The following FILIP1L variants were observed in gnomAD, a reference collection of about 807,000 sequenced individuals.
FILIP1L encodes filamin A-interacting protein 1-like.
FILIP1L carries 55 observed loss-of-function variants against 96.6 expected under a neutral mutation model. The ratio of observed to expected loss-of-function variants is 0.57; its 90% CI spans 0.46 to 0.71. The LOEUF is 0.71. FILIP1L is among the 30% of genes least tolerant of loss of function. The probability of loss-of-function intolerance (pLI) is 0.00; values close to 1 mark genes in which losing one functional copy is unlikely to be tolerated. For missense variants in FILIP1L, 1,304 were observed against 1,321.2 expected, an observed-to-expected ratio of 0.99 and a Z score of 0.20; for synonymous variants, 467 against 473.9, an observed-to-expected ratio of 0.99 and a Z score of 0.19.
At position 99,907,787 on chromosome 3, in the gene FILIP1L, G is replaced by A. The variant is rs138623752; in HGVS notation, c.605+16443C>T. 6.8e-3 allele frequency among the ~76,000 whole-genome samples: 1,029 copies of A among 152,040 alleles called. 3 individuals carry two copies. The highest frequency in any genetic ancestry group is 8.5e-3 in the African/African-American group (354 of 41,466). ...CTATGTCTGTCTTTTAATGTGCAAC[G>A]CTAATGCTATCTGGATCCATTAGGA... On this transcript the variant is annotated intron_variant, in intron 4 of 5. Transcript: ENST00000477258.
At chr3:100,041,596 TA>T (rs1405874820) in intron 1 of FILIP1L, among the ~76,000 whole-genome samples, 1 of 150,596 alleles carries the variant, frequency 6.6e-6, no homozygotes, top group Non-Finnish European at 1.5e-5. Flanking sequence ...ACAAAAAAAA[TA>T]AAAATAAAAA....
At chr3:99,980,342 G>A (rs1002784179) in intron 1 of FILIP1L, among the ~76,000 whole-genome samples, 4 of 152,104 alleles carry the variant, frequency 2.6e-5, no homozygotes, top group Admixed American at 2.6e-4. Context: ...CTGAAGTCTT[G>A]CATTGGATGT....
chr3:99,972,262 G>T (rs896288642), intron 1 of FILIP1L, among the ~76,000 whole-genome samples: 1 of 152,130 alleles, frequency 6.6e-6, no homozygotes, highest in Admixed American at 6.5e-5. Context: ...AAATAAACTT[G>T]ACCCAATAGA....
At chr3:100,107,192 CTCTTT>C (rs2066410100) in intron 1 of FILIP1L, among the ~76,000 whole-genome samples, 1 of 152,058 alleles carries the variant, frequency 6.6e-6, no homozygotes, top group South Asian at 2.1e-4. Flanking sequence ...CTTTTGAGTT[CTCTTT>C]TCAACTGAAA....
intron 4 of FILIP1L, among the ~76,000 whole-genome samples, chr3:99,857,705 CA>C (rs1162448294): frequency 6.6e-6 from 1 of 152,120 alleles, no homozygotes; most frequent in Non-Finnish European, 1.5e-5. Flanking sequence ...ACGAATTCCA[CA>C]AGCCATTAAT....
In FILIP1L at chr3:100,056,727, C is replaced by T. The variant is rs566500006; in HGVS notation, c.-11+57326G>A. ...AAAAAAAAAAAAATGGGGCCGGGCGCGGTGGCTCACGCCTGTAATCCCAGC... is the reference window on the plus strand; with the variant it reads ...AAAAAAAAAAAAATGGGGCCGGGCGTGGTGGCTCACGCCTGTAATCCCAGC... On this transcript the variant is annotated intron_variant, in intron 1 of 5. Coordinates refer to ENST00000477258, the MANE Select transcript of FILIP1L (RefSeq NM_001387850.1). 1.7e-4 allele frequency among the ~76,000 whole-genome samples: 25 copies of T among 150,634 alleles called. 1 individual carries two copies. In the East Asian group the frequency reaches 3.9e-3, roughly 23 times the overall value.
chr3:100,055,210 A>G lies in FILIP1L; in HGVS notation c.-11+58843T>C, dbSNP rs557934559. On this transcript the variant is annotated intron_variant, in intron 1 of 5. Coordinates refer to ENST00000477258, the MANE Select transcript of FILIP1L (RefSeq NM_001387850.1). ...CTCTTATCAATTTCTTCGTGTATGC[A>G]TAGGATTTCCAGTACAAGAGTATCA... 2.6e-5 allele frequency among the ~76,000 whole-genome samples: 4 copies of G among 152,322 alleles called. No homozygotes were observed. In the East Asian group the frequency reaches 7.7e-4, roughly 29 times the overall value.
intron 1 of FILIP1L, among the ~76,000 whole-genome samples, chr3:99,953,774 C>G (rs1043249720): frequency 6.6e-6 from 1 of 152,176 alleles, no homozygotes; most frequent in Non-Finnish European, 1.5e-5. Flanking sequence ...TGACAGAGAA[C>G]TGCCCAAACA....
intron 4 of FILIP1L, among the ~76,000 whole-genome samples, chr3:99,860,993 T>G (rs771724598): frequency 5.9e-5 from 9 of 152,218 alleles, no homozygotes; most frequent in Non-Finnish European, 1.2e-4. Context: ...GAAGGAGCTT[T>G]TAAAAAGTTA....
chr3:100,099,187 G>A (rs1284678963), intron 1 of FILIP1L, among the ~76,000 whole-genome samples: 1 of 152,062 alleles, frequency 6.6e-6, no homozygotes, highest in Admixed American at 6.6e-5. Context: ...GCATTTTTTA[G>A]TTTTGAAATT....
intron 1 of FILIP1L, among the ~76,000 whole-genome samples, chr3:99,984,263 T>G (rs748961330): frequency 3.3e-5 from 5 of 152,220 alleles, no homozygotes; most frequent in Non-Finnish European, 5.9e-5. Context: ...GTATTTATTA[T>G]GTAGAGTGTC....
chr3:100,038,447 G>A (rs2065147059), intron 1 of FILIP1L, among the ~76,000 whole-genome samples: 1 of 152,134 alleles, frequency 6.6e-6, no homozygotes, highest in Non-Finnish European at 1.5e-5. Context: ...TGCTTATAGA[G>A]AATTCGAGTA....
At chr3:100,054,415 G>A (rs750960215) in intron 1 of FILIP1L, among the ~76,000 whole-genome samples, 2 of 152,100 alleles carry the variant, frequency 1.3e-5, no homozygotes, top group African/African-American at 2.4e-5. Flanking sequence ...TGGCTGTCCC[G>A]TCAAGTGGAG....
chr3:100,089,702 A>T (rs993978113), intron 1 of FILIP1L, among the ~76,000 whole-genome samples: 1 of 152,256 alleles, frequency 6.6e-6, no homozygotes, highest in African/African-American at 2.4e-5. Context: ...TACAAATTTC[A>T]TAGGCATTTG....
At chr3:99,884,589 G>A (rs1208873879) in intron 4 of FILIP1L, among the ~76,000 whole-genome samples, 2 of 152,160 alleles carry the variant, frequency 1.3e-5, no homozygotes, top group South Asian at 2.1e-4. Context: ...CACTTTATGG[G>A]ATTCTGTAGG....
intron 1 of FILIP1L, among the ~76,000 whole-genome samples, chr3:100,082,949 A>G (rs1409992304): frequency 6.6e-6 from 1 of 152,182 alleles, no homozygotes; most frequent in Non-Finnish European, 1.5e-5. Flanking sequence ...AAAAAGAACA[A>G]ATTGAGAACT....
chr3:100,010,114 GTC>G, intron 1 of FILIP1L: 4 of 941,710 alleles, frequency 4.2e-6, no homozygotes, highest in Non-Finnish European at 5.1e-6. Context: ...TTTTCTTTCT[GTC>G]TCTCTTATTT....
intron 1 of FILIP1L, among the ~76,000 whole-genome samples, chr3:99,953,791 A>G (rs1708245000): frequency 6.6e-6 from 1 of 152,206 alleles, no homozygotes. Flanking sequence ...AACAGTCCAC[A>G]TAGGCAATTA....
At chr3:100,089,635 A>G (rs770044202) in intron 1 of FILIP1L, among the ~76,000 whole-genome samples, 2 of 152,242 alleles carry the variant, frequency 1.3e-5, no homozygotes, top group Non-Finnish European at 1.5e-5. Flanking sequence ...ATGATATTTG[A>G]TAACTGAATC....
Sources: gnomAD v4.1 joint callset for allele counts (sites outside exome capture counted in the v4.1 genomes callset) on GRCh38, gnomAD v4.1.1 for gene constraint, MANE v1.5 for transcripts, NCBI Gene and HGNC (gene_info 2026-07-23, HGNC 2026-07-21) for gene names.